Variants in CPS1 observed in about 807,000 individuals in gnomAD.
The protein encoded by CPS1 is carbamoyl-phosphate synthase [ammonia], mitochondrial.
Under a neutral mutation model 174.6 loss-of-function variants are expected in CPS1, and 109 were observed. The ratio of observed to expected loss-of-function variants is 0.62; its 90% confidence interval spans 0.53 to 0.73. The LOEUF (loss-of-function observed/expected upper bound fraction) is 0.73. Ranked by LOEUF, CPS1 falls within the 30% of genes least tolerant of loss-of-function variation. The pLI is 0.00. For synonymous variants in CPS1, 637 were observed against 632.0 expected (o/e 1.01, Z -0.12); for missense variants, 1,689 against 1,821.9 (o/e 0.93, Z 1.33).
At chr2:210,676,824 G>T (rs1701550881) in intron 36 of CPS1, among the ~76,000 whole-genome samples, 183 bp from the exon 37 acceptor site, 1 of 152,148 alleles carries the variant, frequency 6.6e-6, no homozygotes, top group African/African-American at 2.4e-5. Flanking sequence ...ATTCCTTCAA[G>T]AACACAATAT....
upstream of CPS1, among the ~76,000 whole-genome samples, chr2:210,552,294 T>G (rs1696752585): frequency 6.6e-6 from 1 of 152,002 alleles, no homozygotes; most frequent in African/African-American, 2.4e-5. Flanking sequence ...CCAGGTTTTT[T>G]TTTTCATGAC....
At chr2:210,561,889 AACTG>A (rs1255488787) in intron 1 of CPS1, among the ~76,000 whole-genome samples, 1 of 152,172 alleles carries the variant, frequency 6.6e-6, no homozygotes, top group Admixed American at 6.5e-5. Flanking sequence ...ATAGGGAGGT[AACTG>A]ACTAATTTGA....
At chr2:210,507,747 A>G (rs1236220024) in intron 1 of CPS1, among the ~76,000 whole-genome samples, 1 of 152,142 alleles carries the variant, frequency 6.6e-6, no homozygotes, top group East Asian at 1.9e-4. Flanking sequence ...GATAAAACAG[A>G]CTTTAAACCA....
At chr2:210,644,862 G>C (rs959355667) in intron 25 of CPS1, among the ~76,000 whole-genome samples, 1 of 152,034 alleles carries the variant, frequency 6.6e-6, no homozygotes, top group Non-Finnish European at 1.5e-5. Context: ...AACTAAGATG[G>C]GTAAAAAGGA....
At chr2:210,578,677 C>T (rs1471625225) in intron 4 of CPS1, among the ~76,000 whole-genome samples, 1 of 152,080 alleles carries the variant, frequency 6.6e-6, no homozygotes, top group Non-Finnish European at 1.5e-5. Flanking sequence ...CTCATTCTTT[C>T]TAAATTTTAA....
chr2:210,494,496 G>C (rs900841056), intron 1 of CPS1, among the ~76,000 whole-genome samples: 2 of 152,182 alleles, frequency 1.3e-5, no homozygotes, highest in African/African-American at 4.8e-5. Context: ...TAAACTAGAT[G>C]TTGCTGGCTA....
At chr2:210,540,671 A>G (rs1696372249) in intron 1 of CPS1, among the ~76,000 whole-genome samples, 1 of 152,152 alleles carries the variant, frequency 6.6e-6, no homozygotes, top group African/African-American at 2.4e-5. Flanking sequence ...TATATGAAGA[A>G]ACTGAGGTTC....
intron 25 of CPS1, among the ~76,000 whole-genome samples, chr2:210,646,499 G>A (rs1295386357): frequency 6.6e-6 from 1 of 152,060 alleles, no homozygotes; most frequent in Non-Finnish European, 1.5e-5. Context: ...TCCCTTATAA[G>A]AGTATTTCAG....
chr2:210,484,581 C>G (rs191804369), intron 1 of CPS1, among the ~76,000 whole-genome samples: 3 of 152,134 alleles, frequency 2.0e-5, no homozygotes, highest in Admixed American at 2.0e-4. Context: ...AACCATCAGG[C>G]CTCCCAGATA....
intron 4 of CPS1, 43 bp from the exon 5 acceptor site, chr2:210,579,671 A>C (rs1388730025): frequency 7.4e-6 from 11 of 1,479,312 alleles, no homozygotes; most frequent in Non-Finnish European, 1.0e-5. Flanking sequence ...TGCTGGATTT[A>C]ATCTCCTCCA....
intron 21 of CPS1, among the ~76,000 whole-genome samples, chr2:210,635,611 G>A (rs1327130416): frequency 6.6e-6 from 1 of 152,116 alleles, no homozygotes; most frequent in Non-Finnish European, 1.5e-5. Flanking sequence ...CATGTGGCTA[G>A]GGGCTGCTAT....
intron 1 of CPS1, among the ~76,000 whole-genome samples, chr2:210,571,852 AGTTTGTGT>A (rs1328278323): frequency 3.3e-5 from 4 of 121,924 alleles, no homozygotes; most frequent in South Asian, 2.9e-4. Context: ...TGCCTACTAA[AGTTTGTGT>A]GTGTGTGTGT....
At chr2:210,576,263 A>T in intron 2 of CPS1, 83 bp from the exon 3 acceptor site, 1 of 1,421,628 alleles carries the variant, frequency 7.0e-7, no homozygotes, top group Non-Finnish European at 9.9e-7. Flanking sequence ...TTCAAGGGTT[A>T]AATAATTCAG....
chr2:210,577,427 G>C lies in CPS1; in HGVS notation c.388G>C (p.Gly130Arg). The C allele has an allele frequency of 6.2e-7, 1 of 1,613,450 alleles. No homozygotes were observed. Among genetic ancestry groups the C allele is most frequent in the Non-Finnish European group, 8.5e-7 (1 of 1,179,548 alleles). The part of the protein sequence containing the change: ...YLESNGIKVS[G>R]LLVLDYSKDY... ...TGACTGTCTGTCTTTCTAGGTTTCA[G>C]GTTTGCTGGTGCTGGATTATAGTAA... is the stretch of plus-strand genomic sequence containing the variant. The change falls in exon 4 of 38, where the codon GGT (glycine) becomes CGT (arginine). Residue 130 changes from glycine (G) to arginine (R), a missense_variant. Transcript: ENST00000233072.
chr2:210,509,375 A>T (rs1226121872), intron 1 of CPS1, among the ~76,000 whole-genome samples: 1 of 152,152 alleles, frequency 6.6e-6, no homozygotes, highest in Non-Finnish European at 1.5e-5. Flanking sequence ...TTGATGGGAC[A>T]TATCTCAAAA....
At chr2:210,651,787 G>A (rs1407495069) in intron 28 of CPS1, among the ~76,000 whole-genome samples, 1 of 152,136 alleles carries the variant, frequency 6.6e-6, no homozygotes, top group East Asian at 1.9e-4. Context: ...TGACTCTAGA[G>A]TAAAACCAGC....
intron 1 of CPS1, among the ~76,000 whole-genome samples, chr2:210,483,831 G>A (rs1694639849): frequency 6.6e-6 from 1 of 152,074 alleles, no homozygotes; most frequent in African/African-American, 2.4e-5. Context: ...TCACAAGGTT[G>A]GCCTTACCTG....
intron 1 of CPS1, among the ~76,000 whole-genome samples, chr2:210,542,568 C>G (rs1380623947): frequency 6.6e-6 from 1 of 152,042 alleles, no homozygotes; most frequent in African/African-American, 2.4e-5. Context: ...AAAAACCAAT[C>G]CTTCTTCATG....
Position 210,573,374 on chromosome 2 carries a change from C to T in CPS1, c.203C>T (p.Ala68Val). Residue 68 changes from alanine (A) to valine (V), a missense_variant, in exon 2 of 38, where the codon GCT (alanine) becomes GTT (valine). Ala to Val is a moderately conservative substitution (Grantham distance 64). Transcript: ENST00000233072. ...TCCTTTGGCCATCCATCCTCTGTTG[C>T]TGGTGAAGTGGTTTTTAATACTGGC... Reference protein sequence around the residue: ...GYSFGHPSSVAGEVVFNTGLG... With the variant: ...GYSFGHPSSVVGEVVFNTGLG... 3 of 1,613,118 alleles carry T rather than the reference C, an allele frequency of 1.9e-6. 1 individual carries two copies. The highest frequency in any genetic ancestry group is 2.2e-5 in the South Asian group (2 of 91,064).
Sources: allele counts gnomAD v4.1 joint callset (sites outside exome capture counted in the v4.1 genomes callset), GRCh38; gene constraint gnomAD v4.1.1; transcripts MANE v1.5; gene names NCBI Gene and HGNC (gene_info 2026-07-23, HGNC 2026-07-21).